The following CALN1 variants were observed in gnomAD, a reference collection of about 807,000 sequenced individuals.
The protein encoded by CALN1 is calneuron 1.
In CALN1, 17 loss-of-function variants were observed where a neutral mutation model predicts 30.6. The ratio of observed to expected loss-of-function variants is 0.56; its 90% CI spans 0.38 to 0.83. The LOEUF (loss-of-function observed/expected upper bound fraction) is 0.83, where lower values mean the gene tolerates loss of function less well. CALN1 is among the 40% of genes least tolerant of loss of function. The pLI is 0.00. For synonymous variants in CALN1, 156 were observed against 131.4 expected, an observed-to-expected ratio of 1.19 and a Z score of -1.28; for missense variants, 291 against 354.9, an observed-to-expected ratio of 0.82 and a Z score of 1.45.
At chr7:71,987,873 G>C (rs1798756679) in intron 5 of CALN1, among the ~76,000 whole-genome samples, 1 of 152,162 alleles carries the variant, frequency 6.6e-6, no homozygotes, top group African/African-American at 2.4e-5. Flanking sequence ...ATAGCTGGGA[G>C]TGGAGAAGGT....
chr7:71,810,605 C>T lies in CALN1; in HGVS notation c.502-113G>A, dbSNP rs551932956. On this transcript the variant is annotated intron_variant, in intron 5 of 6. Transcript: ENST00000395275. ...TCTGCAGAAACTTGTCTCAGCGTTT[C>T]AGGATATCAGGTGAACAGTTTTCCA... 2.5e-4 allele frequency: 245 copies of T among 998,816 alleles called. 1 individual carries two copies. In the African/African-American group the frequency reaches 3.7e-3, roughly 15 times the overall value. 61.9% of individuals were successfully genotyped at this position (998,816 alleles called of 1,614,324 possible). A position where few individuals can be genotyped will look rare whatever the true frequency, so the allele number is the denominator to read the frequency against.
At chr7:72,368,792 G>A (rs1487323251) in intron 2 of CALN1, among the ~76,000 whole-genome samples, 2 of 147,092 alleles carry the variant, frequency 1.4e-5, no homozygotes, top group Non-Finnish European at 3.0e-5. Flanking sequence ...CACCATCACA[G>A]AGAATGGTTT....
At chr7:72,025,225 G>A (rs1048368912) in intron 4 of CALN1, among the ~76,000 whole-genome samples, 14 of 152,082 alleles carry the variant, frequency 9.2e-5, no homozygotes, top group African/African-American at 3.1e-4. Context: ...CAGGAGAATC[G>A]CTTGAATCTG....
chr7:71,998,964 GAA>G (rs1799391909), intron 5 of CALN1, among the ~76,000 whole-genome samples: 1 of 151,898 alleles, frequency 6.6e-6, no homozygotes, highest in Non-Finnish European at 1.5e-5. Context: ...GAACCAAACA[GAA>G]AAAAATTAAT....
intron 3 of CALN1, among the ~76,000 whole-genome samples, chr7:72,207,879 C>CA (rs762048850): frequency 3.3e-5 from 5 of 151,984 alleles, no homozygotes; most frequent in South Asian, 2.1e-4. Context: ...CATTTTAAGA[C>CA]AAAAAATCTA....
intron 3 of CALN1, among the ~76,000 whole-genome samples, chr7:72,141,291 T>TA: frequency 6.6e-6 from 1 of 150,918 alleles, no homozygotes; most frequent in South Asian, 2.1e-4. Flanking sequence ...GATCCTGTCT[T>TA]AAAAAAAGAA....
chr7:71,999,175 T>C (rs546676076), intron 5 of CALN1, among the ~76,000 whole-genome samples: 136 of 152,286 alleles, frequency 8.9e-4, no homozygotes, highest in Middle Eastern at 3.4e-3. Context: ...CAGCAGTGGC[T>C]ACATCAATAC....
chr7:72,464,626 C>G, the CALN1 span, among the ~76,000 whole-genome samples: 1 of 152,290 alleles, frequency 6.6e-6, no homozygotes, highest in African/African-American at 2.4e-5. Flanking sequence ...TACATTGAAC[C>G]TGCAAGAGCA....
chr7:72,477,620 C>T, the CALN1 span, among the ~76,000 whole-genome samples: 1 of 152,070 alleles, frequency 6.6e-6, no homozygotes, highest in South Asian at 2.1e-4. Context: ...CGGGGTCTTG[C>T]TTTGTTGTCC....
chr7:71,961,111 A>G (rs1371873278), intron 5 of CALN1, among the ~76,000 whole-genome samples: 1 of 152,084 alleles, frequency 6.6e-6, no homozygotes, highest in Non-Finnish European at 1.5e-5. Flanking sequence ...GCCACTGCTC[A>G]TAAGACTTTT....
chr7:72,503,285 G>T, the CALN1 span, among the ~76,000 whole-genome samples: 2 of 152,088 alleles, frequency 1.3e-5, no homozygotes, highest in Non-Finnish European at 2.9e-5. Flanking sequence ...CCATTGCAGT[G>T]CCCTGACCCT....
At chr7:72,102,766 G>A (rs1466072516) in intron 4 of CALN1, among the ~76,000 whole-genome samples, 1 of 151,692 alleles carries the variant, frequency 6.6e-6, no homozygotes, top group Non-Finnish European at 1.5e-5. Context: ...GGGATTGAGA[G>A]GTGATGGCTA....
intron 5 of CALN1, among the ~76,000 whole-genome samples, chr7:72,012,547 T>C (rs996115954): frequency 1.3e-5 from 2 of 152,202 alleles, no homozygotes; most frequent in Non-Finnish European, 2.9e-5. Context: ...ATTTAATCAA[T>C]TTATTTTTTG....
chr7:72,460,671 A>T, the CALN1 span, among the ~76,000 whole-genome samples: 10 of 152,202 alleles, frequency 6.6e-5, no homozygotes, highest in Middle Eastern at 3.4e-3. Flanking sequence ...TGAAGTCCTT[A>T]TTGCCACATG....
At chr7:71,943,062 T>C (rs187172387) in intron 5 of CALN1, among the ~76,000 whole-genome samples, 4 of 152,322 alleles carry the variant, frequency 2.6e-5, no homozygotes, top group East Asian at 1.9e-4. Context: ...TGGTGTCTCA[T>C]GTCTCCCTAA....
intron 3 of CALN1, among the ~76,000 whole-genome samples, chr7:72,137,460 G>A (rs557503443): frequency 1.3e-5 from 2 of 152,314 alleles, no homozygotes; most frequent in South Asian, 2.1e-4. Flanking sequence ...CCAGAGGCAC[G>A]AAGTGAGCAC....
intron 3 of CALN1, among the ~76,000 whole-genome samples, chr7:72,234,016 TAAAC>T (rs374705383): frequency 0.022 from 3,313 of 151,358 alleles, 43 homozygotes; most frequent in African/African-American, 0.047. Flanking sequence ...AATAAATAAA[TAAAC>T]AAACAAACAA....
intron 2 of CALN1, among the ~76,000 whole-genome samples, chr7:72,373,382 A>T (rs1585606130): frequency 6.6e-6 from 1 of 152,230 alleles, no homozygotes; most frequent in Admixed American, 6.5e-5. Context: ...CAAAATGCAG[A>T]CAGTCTCCAA....
At chr7:71,871,456 C>T (rs915331277) in intron 5 of CALN1, among the ~76,000 whole-genome samples, 1 of 152,084 alleles carries the variant, frequency 6.6e-6, no homozygotes, top group East Asian at 1.9e-4. Flanking sequence ...CATCAAGTTG[C>T]CACCTCCAGG....
Sources: allele counts gnomAD v4.1 joint callset (sites outside exome capture counted in the v4.1 genomes callset), GRCh38; gene constraint gnomAD v4.1.1; transcripts MANE v1.5; gene names NCBI Gene and HGNC (gene_info 2026-07-23, HGNC 2026-07-21).